Variants in RAB30 observed in about 807,000 individuals in gnomAD.
The protein encoded by RAB30 is RAB30, member RAS oncogene family.
In RAB30, 9 loss-of-function variants were observed where a neutral mutation model predicts 25.1. That is an observed-to-expected ratio of 0.36 (90% confidence interval 0.22 to 0.63). The LOEUF (loss-of-function observed/expected upper bound fraction) is 0.63. RAB30 is among the 20% of genes least tolerant of loss of function. The pLI is 0.69. For synonymous variants in RAB30, 77 were observed against 86.4 expected (o/e 0.89, Z 0.60); for missense variants, 140 against 243.5 (o/e 0.58, Z 2.83).
chr11:83,001,046 C>CA (rs1181057652), intron 1 of RAB30, among the ~76,000 whole-genome samples: 26,420 of 52,450 alleles, frequency 0.5, 6,598 homozygotes, highest in Non-Finnish European at 0.56. Flanking sequence ...GACTCCGTCT[C>CA]AAAAAAAAAA....
rs78202096 is a variant in RAB30 at position 83,020,597 on chromosome 11, C to G, written c.-8-23273G>C. 8.3e-3 allele frequency among the ~76,000 whole-genome samples: 1,265 copies of G among 152,316 alleles called. 31 individuals carry two copies. The East Asian group carries it at 0.093, about 11-fold the overall frequency. On this transcript the variant is annotated intron_variant, in intron 1 of 4. Transcript: ENST00000527633. ...GACCCCACCTTCAGGCCAGGGGAGC[C>G]TGAAGCCTGGGAGCTGGGCTGTGAG...
intron 1 of RAB30, among the ~76,000 whole-genome samples, chr11:83,052,565 T>C (rs1289731522): frequency 1.3e-5 from 2 of 152,232 alleles, no homozygotes; most frequent in African/African-American, 4.8e-5. Context: ...GAGAGATGTC[T>C]GGCCTGCCTC....
At chr11:83,038,905 G>T (rs1429685913) in intron 1 of RAB30, 2 of 151,612 alleles carry the variant, frequency 1.3e-5, no homozygotes, top group Non-Finnish European at 2.9e-5. Flanking sequence ...CTAGGCATGT[G>T]CTATGTGCAT....
rs1165440989 is a variant in RAB30 at position 83,071,891 on chromosome 11, G to A, written c.-209C>T. ...AGCAGCAGGGGGTGGAGAGACCGTA[G>A]CACAATGAATGCAGTGGGGCTTTTG... is the stretch of plus-strand genomic sequence containing the variant. On this transcript the variant is annotated 5_prime_UTR_variant, in exon 1 of 5. Transcript: ENST00000527633. The A allele has an allele frequency of 4.4e-5, 17 of 389,948 alleles. No individual in the cohort carries two copies. In the East Asian group the frequency reaches 6.2e-4, roughly 14 times the overall value. The allele number at this position is 389,948 out of a possible 1,614,324, so 24.2% of individuals were successfully genotyped here. A position where few individuals can be genotyped will look rare whatever the true frequency, so the allele number is the denominator to read the frequency against.
Position 82,981,998 on chromosome 11 carries a change from T to A in RAB30, c.*167A>T. The A allele has an allele frequency of 1.2e-6, 1 of 856,208 alleles. No homozygotes were observed. Among genetic ancestry groups the A allele is most frequent in the Admixed American group, 2.6e-5 (1 of 38,680 alleles). 53.0% of individuals were successfully genotyped at this position (856,208 alleles called of 1,614,324 possible). A position where few individuals can be genotyped will look rare whatever the true frequency, so the allele number is the denominator to read the frequency against. On this transcript the variant is annotated 3_prime_UTR_variant, in exon 5 of 5. Coordinates refer to ENST00000527633, the MANE Select transcript of RAB30 (RefSeq NM_001286060.2). ...GTGAAACCATTATATGTTCTGCTAATGCTGGCCTGTGGTCGAGGCCCTTGG... is the reference window on the plus strand; with the variant it reads ...GTGAAACCATTATATGTTCTGCTAAAGCTGGCCTGTGGTCGAGGCCCTTGG...
rs958728835 is a variant in RAB30, at chr11:82,986,354, A to G, written c.361+1233T>C. On this transcript the variant is annotated intron_variant, in intron 4 of 4. Transcript: ENST00000527633. ...CTCTTGTTTATGTCTGAAATTTTCCATAGTAAAATTGTGTTTTAAGCCAAT... is the reference window on the plus strand; with the variant it reads ...CTCTTGTTTATGTCTGAAATTTTCCGTAGTAAAATTGTGTTTTAAGCCAAT... Among the ~76,000 whole-genome samples, 5 of 152,200 alleles carry G rather than the reference A, an allele frequency of 3.3e-5. No individual in the cohort carries two copies. The East Asian group carries it at 9.6e-4, about 29-fold the overall frequency.
intron 1 of RAB30, among the ~76,000 whole-genome samples, chr11:83,065,066 T>C (rs1305967614): frequency 6.6e-6 from 1 of 152,166 alleles, no homozygotes; most frequent in Non-Finnish European, 1.5e-5. Context: ...ACAATCTGGA[T>C]TTGTCTGATT....
rs922228136 is a variant in RAB30, at chr11:82,981,145, A to G, written c.*1020T>C. 6.6e-6 allele frequency: 1 copy of G among 152,228 alleles called. No homozygotes were observed. Among genetic ancestry groups the G allele is most frequent in the Non-Finnish European group, 1.5e-5 (1 of 68,040 alleles). The allele number at this position is 152,228 out of a possible 1,614,324, so 9.4% of individuals were successfully genotyped here. A position where few individuals can be genotyped will look rare whatever the true frequency, so the allele number is the denominator to read the frequency against. The stretch of plus-strand genomic sequence containing the variant: ...GAAGTAAAAGATGTGACCTACTATC[A>G]AGGACTGTGCTCTGCTAGGAGCCCT... On this transcript the variant is annotated 3_prime_UTR_variant, in exon 5 of 5. Transcript: ENST00000527633.
At chr11:83,004,276 C>T (rs115933065) in intron 1 of RAB30, among the ~76,000 whole-genome samples, 1 of 152,086 alleles carries the variant, frequency 6.6e-6, no homozygotes. Flanking sequence ...GTCATATCAC[C>T]CTGACCATGT....
At chr11:83,021,152 T>C (rs1456231449) in intron 1 of RAB30, among the ~76,000 whole-genome samples, 2 of 152,182 alleles carry the variant, frequency 1.3e-5, no homozygotes, top group African/African-American at 4.8e-5. Context: ...TCAATAAAGC[T>C]CCTCTCTGTC....
At position 82,975,638 on chromosome 11, in the gene RAB30, C is replaced by T. The variant is rs970981399; in HGVS notation, c.*6527G>A. ...CCAAGGGGAGGAAACAAGAGCCATA[C>T]AGCCAGAATAATTCTTCAGAAGCAC... is the stretch of plus-strand genomic sequence containing the variant. On this transcript the variant is annotated 3_prime_UTR_variant, in exon 5 of 5. Coordinates refer to ENST00000527633, the MANE Select transcript of RAB30 (RefSeq NM_001286060.2). The T allele has an allele frequency of 1.1e-4, 16 of 152,106 alleles. No individual in the cohort carries two copies. Among genetic ancestry groups the T allele is most frequent in the Non-Finnish European group, 2.1e-4 (14 of 67,996 alleles). The allele number at this position is 152,106 out of a possible 1,614,324, so 9.4% of individuals were successfully genotyped here. A position where few individuals can be genotyped will look rare whatever the true frequency, so the allele number is the denominator to read the frequency against.
chr11:83,043,566 G>T (rs1383784865), intron 1 of RAB30, among the ~76,000 whole-genome samples: 1 of 152,134 alleles, frequency 6.6e-6, no homozygotes, highest in Non-Finnish European at 1.5e-5. Flanking sequence ...GTATTGTGAA[G>T]AAGAATATCC....
intron 1 of RAB30, among the ~76,000 whole-genome samples, chr11:83,018,920 A>C (rs1857500827): frequency 6.6e-6 from 1 of 152,178 alleles, no homozygotes; most frequent in Non-Finnish European, 1.5e-5. Flanking sequence ...TCCCAGCACC[A>C]TTTGTCAAGG....
At chr11:83,027,812 C>A (rs184334868) in intron 1 of RAB30, among the ~76,000 whole-genome samples, 1 of 152,168 alleles carries the variant, frequency 6.6e-6, no homozygotes, top group African/African-American at 2.4e-5. Flanking sequence ...GCATTCCCCC[C>A]ACTCCCCAGC....
chr11:83,008,432 G>A (rs1279737905), intron 1 of RAB30, among the ~76,000 whole-genome samples: 2 of 152,140 alleles, frequency 1.3e-5, no homozygotes, highest in Non-Finnish European at 2.9e-5. Context: ...TTTGTGACAG[G>A]TCCTGTGTCA....
At position 82,973,730 on chromosome 11, in the gene RAB30, A is replaced by ATGATT. The variant is rs1205384525; in HGVS notation, c.*8430_*8434dup. ...AGAGGTTCTACGTAAATAAACATAA[A>ATGATT]TGATTTGATTTGATTTGTCAGACTA... is the stretch of plus-strand genomic sequence containing the variant. On this transcript the variant is annotated 3_prime_UTR_variant, in exon 5 of 5. Coordinates refer to ENST00000527633, the MANE Select transcript of RAB30 (RefSeq NM_001286060.2). 6.6e-6 allele frequency: 1 copy of ATGATT among 152,240 alleles called. No individual in the cohort carries two copies. The highest frequency in any genetic ancestry group is 1.5e-5 in the Non-Finnish European group (1 of 68,030). 9.4% of individuals were successfully genotyped at this position (152,240 alleles called of 1,614,324 possible).
intron 1 of RAB30, among the ~76,000 whole-genome samples, chr11:83,068,152 G>A (rs1310331736): frequency 6.6e-6 from 1 of 150,614 alleles, no homozygotes; most frequent in African/African-American, 2.4e-5. Context: ...ACAAACGTTA[G>A]CTGAGCATGG....
At chr11:83,021,496 G>C (rs1389650924) in intron 1 of RAB30, among the ~76,000 whole-genome samples, 1 of 152,232 alleles carries the variant, frequency 6.6e-6, no homozygotes. Context: ...CTCACAGAGA[G>C]CTAGCGCCCA....
intron 3 of RAB30, among the ~76,000 whole-genome samples, chr11:82,991,004 C>G (rs1192109386): frequency 6.6e-6 from 1 of 151,964 alleles, no homozygotes; most frequent in South Asian, 2.1e-4. Context: ...ATCCTGGGAG[C>G]CATCCTGGAA....
Sources: allele counts gnomAD v4.1 joint callset (sites outside exome capture counted in the v4.1 genomes callset), GRCh38; gene constraint gnomAD v4.1.1; transcripts MANE v1.5; gene names NCBI Gene and HGNC (gene_info 2026-07-23, HGNC 2026-07-21).